The following WIPF3 variants were observed in gnomAD, a reference collection of about 807,000 sequenced individuals.
The protein encoded by WIPF3 is WAS/WASL interacting protein family member 3.
WIPF3 carries 33 observed loss-of-function variants against 38.9 expected under a neutral mutation model. The observed-to-expected ratio is 0.85, with a 90% CI of 0.64 to 1.14. WIPF3 has a LOEUF of 1.14. Among genes scored for constraint, WIPF3 ranks in the 50% most tolerant of loss-of-function variants. The probability of loss-of-function intolerance (pLI) is 0.00; values close to 1 mark genes in which losing one functional copy is unlikely to be tolerated. For missense variants in WIPF3, 711 were observed against 652.5 expected, an observed-to-expected ratio of 1.09 and a Z score of -0.98; for synonymous variants, 324 against 269.3, an observed-to-expected ratio of 1.20 and a Z score of -1.99.
intron 1 of WIPF3, among the ~76,000 whole-genome samples, chr7:29,822,477 A>T (rs1399516311): frequency 1.3e-5 from 2 of 152,302 alleles, no homozygotes; most frequent in East Asian, 3.9e-4. Context: ...CCCTACAGAA[A>T]TGCCTTGCCT....
At chr7:29,816,616 C>T (rs1014505699) in intron 1 of WIPF3, among the ~76,000 whole-genome samples, 2 of 152,026 alleles carry the variant, frequency 1.3e-5, no homozygotes, top group East Asian at 3.8e-4. Context: ...ATGAGCTGCC[C>T]TGCCCAGCTG....
intron 2 of WIPF3, among the ~76,000 whole-genome samples, chr7:29,863,669 C>A (rs992334662): frequency 1.3e-5 from 2 of 152,190 alleles, no homozygotes; most frequent in African/African-American, 4.8e-5. Context: ...GAAGAACTGA[C>A]ATCTTTCCTA....
chr7:29,872,985 C>T lies in WIPF3; in HGVS notation c.91-2845C>T, dbSNP rs565529626. On this transcript the variant is annotated intron_variant, in intron 2 of 8. Transcript: ENST00000242140. ...AACACACTGTGACTTGCCATGTCCT[C>T]CTGCTGACTTGGAAGATGTTTACTA... Among the ~76,000 whole-genome samples, 6 of 152,134 alleles carry T rather than the reference C, an allele frequency of 3.9e-5. No homozygotes were observed. In the South Asian group the frequency reaches 1.2e-3, roughly 32 times the overall value.
chr7:29,870,244 A>C (rs531685478), intron 2 of WIPF3, among the ~76,000 whole-genome samples: 1 of 152,290 alleles, frequency 6.6e-6, no homozygotes, highest in Non-Finnish European at 1.5e-5. Flanking sequence ...TCGTGAGGGG[A>C]TTTGAATCCT....
intron 8 of WIPF3, among the ~76,000 whole-genome samples, chr7:29,908,675 C>T (rs10281648): frequency 0.032 from 4,853 of 152,142 alleles, 97 homozygotes; most frequent in Middle Eastern, 0.1. Flanking sequence ...CTTTGAGAGG[C>T]CTAGGTGGGT....
At chr7:29,850,284 A>T (rs539506007) in intron 2 of WIPF3, among the ~76,000 whole-genome samples, 31 of 152,342 alleles carry the variant, frequency 2.0e-4, no homozygotes, top group Middle Eastern at 3.4e-3. Flanking sequence ...GTTGATGTAA[A>T]ATTAGAGAGA....
At chr7:29,837,350 C>T (rs1408972079) in intron 2 of WIPF3, among the ~76,000 whole-genome samples, 7 of 151,938 alleles carry the variant, frequency 4.6e-5, no homozygotes, top group South Asian at 2.1e-4. Context: ...AGTGAGACTC[C>T]GTCTCAAAAA....
At chr7:29,898,807 T>C (rs1203318407) in intron 7 of WIPF3, among the ~76,000 whole-genome samples, 1 of 152,252 alleles carries the variant, frequency 6.6e-6, no homozygotes, top group Non-Finnish European at 1.5e-5. Context: ...TACCTAAATA[T>C]ACAAACTATT....
chr7:29,875,909 C>T lies in WIPF3; in HGVS notation c.170C>T (p.Thr57Ile), dbSNP rs1250619762. The T allele has an allele frequency of 1.2e-6, 2 of 1,614,082 alleles. No homozygotes were observed. Among genetic ancestry groups the T allele is most frequent in the Non-Finnish European group, 1.7e-6 (2 of 1,179,908 alleles). Reference sequence around the variant, plus strand: ...CTGTTGGCTGATATCCAGCAAGGAACTCGCCTGCGCAAAGTCACGCAGATC... The same window carrying T: ...CTGTTGGCTGATATCCAGCAAGGAATTCGCCTGCGCAAAGTCACGCAGATC... ...SALLADIQQG[T>I]RLRKVTQIND... Residue 57 changes from threonine (T) to isoleucine (I), a missense_variant, in exon 3 of 9, where the codon ACT becomes ATT. Thr to Ile is a moderately conservative substitution (Grantham distance 89). Transcript: ENST00000242140.
chr7:29,872,800 A>C (rs1028004363), intron 2 of WIPF3, among the ~76,000 whole-genome samples: 1 of 136,142 alleles, frequency 7.3e-6, no homozygotes, highest in African/African-American at 2.6e-5. Context: ...CTCCATCTCA[A>C]AAAAAAAAAA....
intron 1 of WIPF3, among the ~76,000 whole-genome samples, chr7:29,812,094 C>T (rs1220601702): frequency 6.6e-6 from 1 of 152,082 alleles, no homozygotes; most frequent in East Asian, 1.9e-4. Context: ...CCATAATTTC[C>T]CTTTAGCTGA....
chr7:29,820,340 A>G (rs570778261), intron 1 of WIPF3, among the ~76,000 whole-genome samples: 80 of 152,134 alleles, frequency 5.3e-4, no homozygotes, highest in South Asian at 3.3e-3. Context: ...ATATAGTTGA[A>G]TTTGGTCCAG....
At chr7:29,807,286 C>T (rs560060299) in intron 1 of WIPF3, among the ~76,000 whole-genome samples, 37 of 152,294 alleles carry the variant, frequency 2.4e-4, no homozygotes, top group African/African-American at 8.7e-4. Flanking sequence ...TCTGGACACC[C>T]CTCCCGTGCT....
intron 1 of WIPF3, among the ~76,000 whole-genome samples, chr7:29,818,643 GA>G (rs1378436763): frequency 4.0e-5 from 6 of 151,284 alleles, no homozygotes; most frequent in Admixed American, 3.3e-4. Context: ...TATTTGGGGG[GA>G]AAACATGATA....
intron 2 of WIPF3, among the ~76,000 whole-genome samples, chr7:29,861,846 T>C (rs78175061): frequency 6.6e-6 from 1 of 152,162 alleles, no homozygotes; most frequent in Non-Finnish European, 1.5e-5. Context: ...TTTGCAATCA[T>C]AGGACACTGA....
chr7:29,827,237 A>G (rs1385242088), intron 1 of WIPF3, among the ~76,000 whole-genome samples: 3 of 152,072 alleles, frequency 2.0e-5, no homozygotes, highest in Non-Finnish European at 4.4e-5. Context: ...TTTTTATATC[A>G]TTGAGAAGAG....
chr7:29,871,354 T>C (rs936875267), intron 2 of WIPF3, among the ~76,000 whole-genome samples: 3 of 152,152 alleles, frequency 2.0e-5, no homozygotes, highest in African/African-American at 7.2e-5. Context: ...AGGGGTAGGC[T>C]GAGGGCTGGG....
chr7:29,821,527 G>A (rs1784536282), intron 1 of WIPF3, among the ~76,000 whole-genome samples: 1 of 152,156 alleles, frequency 6.6e-6, no homozygotes, highest in Admixed American at 6.5e-5. Context: ...TGGTGCAAGT[G>A]ATTCTCTCGC....
At chr7:29,815,052 C>CGTTTATTCTA (rs1465743023) in intron 1 of WIPF3, among the ~76,000 whole-genome samples, 2 of 152,114 alleles carry the variant, frequency 1.3e-5, no homozygotes, top group Non-Finnish European at 2.9e-5. Context: ...TTAAAGCTTC[C>CGTTTATTCTA]GTTTATTCTA....
Sources: allele counts gnomAD v4.1 joint callset (sites outside exome capture counted in the v4.1 genomes callset), GRCh38; gene constraint gnomAD v4.1.1; transcripts MANE v1.5; gene names NCBI Gene and HGNC (gene_info 2026-07-23, HGNC 2026-07-21).